The following TRIM6 variants were observed in gnomAD, a reference collection of about 807,000 sequenced individuals.
TRIM6 encodes tripartite motif-containing protein 6.
Under a neutral mutation model 51.2 loss-of-function variants are expected in TRIM6, and 43 were observed. The ratio of observed to expected loss-of-function variants is 0.84; its 90% CI spans 0.66 to 1.08. TRIM6 has a LOEUF of 1.08. Ranked by LOEUF, TRIM6 falls within the 50% of genes least tolerant of loss-of-function variation. The pLI, the probability that TRIM6 is intolerant of heterozygous loss-of-function variation, is 0.00. For missense variants in TRIM6, 669 were observed against 619.0 expected, an observed-to-expected ratio of 1.08 and a Z score of -0.86; for synonymous variants, 215 against 232.4, an observed-to-expected ratio of 0.93 and a Z score of 0.68.
In TRIM6 at chr11:5,599,889, G is replaced by C. The variant is rs191519448; in HGVS notation, c.17+2975G>C. 2.4e-3 allele frequency among the ~76,000 whole-genome samples: 365 copies of C among 152,272 alleles called. 2 individuals carry two copies. The highest frequency in any genetic ancestry group is 8.5e-3 in the African/African-American group (352 of 41,548). On this transcript the variant is annotated intron_variant, in intron 1 of 7. Transcript: ENST00000380097. ...GTCTGGGGCACCTGGAAGATAAATAGAGCCTCTATTGCCTCTAGAGCCTCT... is the reference window on the plus strand; with the variant it reads ...GTCTGGGGCACCTGGAAGATAAATACAGCCTCTATTGCCTCTAGAGCCTCT...
At chr11:5,604,746 C>A (rs2133840273) in intron 3 of TRIM6, 117 bp downstream of exon 3, 2 of 1,103,684 alleles carry the variant, frequency 1.8e-6, no homozygotes, top group East Asian at 5.2e-5. Context: ...AGAAGAGCTT[C>A]CCTTTGCCTG....
chr11:5,600,483 C>T (rs963987248), intron 1 of TRIM6, among the ~76,000 whole-genome samples: 2 of 152,152 alleles, frequency 1.3e-5, no homozygotes, highest in African/African-American at 4.8e-5. Flanking sequence ...GTTTTCGGCT[C>T]GCTAGATCCC....
In TRIM6 at chr11:5,611,385, C is replaced by A; in HGVS notation, c.*43C>A. The A allele has an allele frequency of 7.1e-7, 1 of 1,409,578 alleles. No individual in the cohort carries two copies. Among genetic ancestry groups the A allele is most frequent in the Non-Finnish European group, 9.8e-7 (1 of 1,015,758 alleles). The allele number at this position is 1,409,578 out of a possible 1,614,324, so 87.3% of individuals were successfully genotyped here. ...CCCACTTCTGATAAGTACCCTGAGG[C>A]TTATCAGCATGTGATTCTCCCTTCT... On this transcript the variant is annotated 3_prime_UTR_variant, in exon 8 of 8. Coordinates refer to ENST00000380097, the MANE Select transcript of TRIM6 (RefSeq NM_001003818.3).
chr11:5,596,926 G>T lies in TRIM6; in HGVS notation c.17+12G>T, dbSNP rs764774349. The T allele has an allele frequency of 1.9e-6, 3 of 1,614,042 alleles. No individual in the cohort carries two copies. The highest frequency in any genetic ancestry group is 3.3e-5 in the Admixed American group (2 of 60,012). On this transcript the variant is annotated intron_variant, in intron 1 of 7. Transcript: ENST00000380097. ...TGCGGGTCAGAGAGGTATGTCTACC[G>T]TTCTGTTGACTGGCTCTTATTGTCA...
chr11:5,609,736 CATG>C (rs1356157882), intron 5 of TRIM6, among the ~76,000 whole-genome samples: 1 of 152,158 alleles, frequency 6.6e-6, no homozygotes, highest in Non-Finnish European at 1.5e-5. Context: ...TCCTGGCTAA[CATG>C]ATGAAACCCT....
At chr11:5,604,781 C>A in intron 3 of TRIM6, 152 bp downstream of exon 3, 1 of 723,118 alleles carries the variant, frequency 1.4e-6, no homozygotes, top group Non-Finnish European at 2.1e-6. Context: ...TCCTTCCAAA[C>A]AGGGGGAGGA....
At chr11:5,605,049 G>A (rs1170214576) in intron 3 of TRIM6, 1 of 492,960 alleles carries the variant, frequency 2.0e-6, no homozygotes. Flanking sequence ...AGAGGAGGCT[G>A]ATGCAGAGGT....
Position 5,611,639 on chromosome 11 carries a change from G to A in TRIM6, c.*297G>A, listed in dbSNP as rs1848582686. The A allele has an allele frequency of 3.4e-6, 1 of 296,288 alleles. No individual in the cohort carries two copies. The highest frequency in any genetic ancestry group is 6.3e-6 in the Non-Finnish European group (1 of 158,030). 18.4% of individuals were successfully genotyped at this position (296,288 alleles called of 1,614,324 possible). ...CAACTAATTTTTGTATTTTTATAGA[G>A]ATAGGGTTTCACCGTGTTGGCCAGG... is the stretch of plus-strand genomic sequence containing the variant. On this transcript the variant is annotated 3_prime_UTR_variant, in exon 8 of 8. Transcript: ENST00000380097.
At chr11:5,597,678 C>G (rs1847557617) in intron 1 of TRIM6, among the ~76,000 whole-genome samples, 2 of 152,178 alleles carry the variant, frequency 1.3e-5, no homozygotes, top group Non-Finnish European at 2.9e-5. Flanking sequence ...ACTCTGAACC[C>G]CCAGCCTACA....
Position 5,611,117 on chromosome 11 carries a change from C to T in TRIM6, c.1326C>T (p.Ala442=). Residue 442 remains alanine (A), a synonymous_variant, in exon 8 of 8, where the codon GCC becomes GCT. Coordinates refer to ENST00000380097, the MANE Select transcript of TRIM6 (RefSeq NM_001003818.3). The part of the protein sequence containing the change: ...IGLQHNHEYR[A]YEDSSPSLLL... ...TACAGCATAACCATGAATATAGGGC[C>T]TATGAGGATTCTTCCCCTTCCCTGC... The T allele has an allele frequency of 6.2e-7, 1 of 1,614,150 alleles. No homozygotes were observed.
In TRIM6 at chr11:5,612,489, A is replaced by ATATT. The variant is rs746765951; in HGVS notation, c.*1149_*1152dup. On this transcript the variant is annotated 3_prime_UTR_variant, in exon 8 of 8. Transcript: ENST00000380097. ...TGGGGAGAGAAAAACAATCCAATAC[A>ATATT]TATTTTTCTCTCAGAATAGAAAGAA... The ATATT allele has an allele frequency of 2.0e-5, 3 of 152,238 alleles. No individual in the cohort carries two copies. The highest frequency in any genetic ancestry group is 2.1e-4 in the South Asian group (1 of 4,830). 9.4% of individuals were successfully genotyped at this position (152,238 alleles called of 1,614,324 possible).
intron 4 of TRIM6, 53 bp from the exon 5 acceptor site, chr11:5,608,319 G>A: frequency 6.2e-7 from 1 of 1,609,512 alleles, no homozygotes; most frequent in Non-Finnish European, 8.5e-7. Flanking sequence ...GAGAAATGTG[G>A]ATAAGGGCAT....
chr11:5,596,942 C>G (rs750010786), intron 1 of TRIM6, 28 bp downstream of exon 1: 1 of 1,613,996 alleles, frequency 6.2e-7, no homozygotes, highest in Non-Finnish European at 8.5e-7. Context: ...TTGACTGGCT[C>G]TTATTGTCAC....
intron 4 of TRIM6, among the ~76,000 whole-genome samples, chr11:5,607,311 G>C (rs1848284302): frequency 6.6e-6 from 1 of 152,132 alleles, no homozygotes; most frequent in Admixed American, 6.5e-5. Flanking sequence ...GATCATTTCA[G>C]TTCCTCAGTA....
In TRIM6 at chr11:5,603,234, T is replaced by A. The variant is rs1564864391; in HGVS notation, c.18-12T>A. 1 of 1,607,744 alleles carries A rather than the reference T, an allele frequency of 6.2e-7. No individual in the cohort carries two copies. The highest frequency in any genetic ancestry group is 1.7e-5 in the Admixed American group (1 of 59,494). ...TTACCCTGATCCTTTTTTTGTTTGT[T>A]CATCTACCTAGGATTCTACAGGCAG... On this transcript the variant is annotated splice_polypyrimidine_tract_variant and intron_variant, in intron 1 of 7. Transcript: ENST00000380097.
chr11:5,596,715 G>A lies in TRIM6; in HGVS notation c.-183G>A. ...GTTCAACGGCCAAAGGCTGGCGGAGGAGGGATCCCCTGCCTTTCTCGGAAC... is the reference window on the plus strand; with the variant it reads ...GTTCAACGGCCAAAGGCTGGCGGAGAAGGGATCCCCTGCCTTTCTCGGAAC... On this transcript the variant is annotated 5_prime_UTR_variant, in exon 1 of 8. Coordinates refer to ENST00000380097, the MANE Select transcript of TRIM6 (RefSeq NM_001003818.3). The A allele has an allele frequency of 2.3e-6, 2 of 884,238 alleles. No homozygotes were observed. The highest frequency in any genetic ancestry group is 1.5e-5 in the South Asian group (1 of 66,236). 54.8% of individuals were successfully genotyped at this position (884,238 alleles called of 1,614,324 possible).
chr11:5,596,330 G>C (rs1221913626), upstream of TRIM6: 2 of 154,972 alleles, frequency 1.3e-5, no homozygotes, highest in African/African-American at 2.4e-5. Context: ...CTCAAGTTTG[G>C]GAAGGGAGCA....
intron 1 of TRIM6, among the ~76,000 whole-genome samples, chr11:5,597,425 A>G (rs1847537917): frequency 6.6e-6 from 1 of 152,218 alleles, no homozygotes; most frequent in Non-Finnish European, 1.5e-5. Flanking sequence ...ATTCTTTTGA[A>G]GTGGAAATTA....
At chr11:5,600,675 G>A (rs1847783927) in intron 1 of TRIM6, among the ~76,000 whole-genome samples, 1 of 131,534 alleles carries the variant, frequency 7.6e-6, no homozygotes, top group African/African-American at 2.9e-5. Flanking sequence ...ACAGGGCCTT[G>A]TGTTGAGGCC....
Sources: allele counts gnomAD v4.1 joint callset (sites outside exome capture counted in the v4.1 genomes callset), GRCh38; gene constraint gnomAD v4.1.1; transcripts MANE v1.5; gene names NCBI Gene and HGNC (gene_info 2026-07-23, HGNC 2026-07-21).